CHM: variants seen among roughly 807,000 people sequenced by gnomAD.
CHM encodes CHM Rab escort protein, also known as rab proteins geranylgeranyltransferase component A 1.
In CHM, 10 loss-of-function variants were observed where a neutral mutation model predicts 49.0. That is an observed-to-expected ratio of 0.20 (90% CI 0.13 to 0.35). The LOEUF (loss-of-function observed/expected upper bound fraction) is 0.35. Ranked by LOEUF, CHM falls within the 10% of genes least tolerant of loss-of-function variation. CHM has a pLI of 1.00. For synonymous variants in CHM, 184 were observed against 167.5 expected (o/e 1.10, Z -0.76); for missense variants, 455 against 478.4 (o/e 0.95, Z 0.46).
chrX:86,013,658 C>G (rs1933170299), intron 2 of CHM, among the ~76,000 whole-genome samples: 1 of 106,795 alleles, frequency 9.4e-6, no homozygotes, highest in Non-Finnish European at 1.9e-5. Context: ...CTGCCTGAAC[C>G]CGGGAGGCAG....
chrX:85,976,176 C>G (rs1419004879), intron 4 of CHM, among the ~76,000 whole-genome samples: 1 of 111,905 alleles, frequency 8.9e-6, no homozygotes, highest in Admixed American at 9.5e-5. Flanking sequence ...CTGTGATCAT[C>G]AGCTGTTACA....
At chrX:85,896,139 C>CAAAAAAAAAAAA (rs148920305) in intron 11 of CHM, among the ~76,000 whole-genome samples, 1 of 46,334 alleles carries the variant, frequency 2.2e-5, no homozygotes, top group Non-Finnish European at 4.1e-5. Flanking sequence ...CTGCACAACT[C>CAAAAAAAAAAAA]AAAAAAAAAA....
chrX:85,989,011 T>A (rs1481313773), intron 2 of CHM, among the ~76,000 whole-genome samples: 1 of 111,929 alleles, frequency 8.9e-6, no homozygotes, highest in East Asian at 2.8e-4. Flanking sequence ...TTAAAATTTA[T>A]ATGTAACCAA....
At chrX:85,985,060 C>CA (rs1156370601) in intron 2 of CHM, among the ~76,000 whole-genome samples, 2 of 111,758 alleles carry the variant, frequency 1.8e-5, no homozygotes, top group East Asian at 5.7e-4. Flanking sequence ...CAACAATCTG[C>CA]AGGCCCCACT....
intron 2 of CHM, among the ~76,000 whole-genome samples, chrX:86,013,603 C>T (rs1178081455): frequency 2.7e-5 from 3 of 109,699 alleles, no homozygotes; most frequent in Admixed American, 9.8e-5. Flanking sequence ...GGCATGGTGG[C>T]ATGTGCCTGT....
intron 4 of CHM, among the ~76,000 whole-genome samples, chrX:85,976,564 G>C (rs1195359615): frequency 9.1e-6 from 1 of 109,317 alleles, no homozygotes; most frequent in African/African-American, 3.3e-5. Flanking sequence ...GGAGCTTGCA[G>C]TGAGCAGAGA....
At chrX:85,913,332 A>AAAAAAAAAAAGAAAGAAAG (rs762266365) in intron 8 of CHM, among the ~76,000 whole-genome samples, 1 of 23,419 alleles carries the variant, frequency 4.3e-5, no homozygotes, top group Non-Finnish European at 8.1e-5. Flanking sequence ...AAAAAAAAAA[A>AAAAAAAAAAAGAAAGAAAG]AAAGAAAGAA....
chrX:85,960,913 T>A (rs1427050759), intron 5 of CHM, among the ~76,000 whole-genome samples: 4 of 111,909 alleles, frequency 3.6e-5, no homozygotes, highest in Non-Finnish European at 7.5e-5. Flanking sequence ...GAATTTCATC[T>A]TTGACCTTCT....
chrX:86,025,474 A>C lies in CHM; in HGVS notation c.116+2017T>G, dbSNP rs755554660. On this transcript the variant is annotated intron_variant, in intron 2 of 14. Transcript: ENST00000357749. ...GAGGATCGTTTGAGGCCAAGAGTTC[A>C]AGACCAGCCTGGGTAGCATAGCGAG... Among the ~76,000 whole-genome samples the C allele has an allele frequency of 1.7e-3, 182 of 110,175 alleles. 2 individuals are homozygous for C. The highest frequency in any genetic ancestry group is 5.8e-3 in the African/African-American group (175 of 30,239).
In CHM at chrX:85,864,524, A is replaced by G; in HGVS notation, c.*106T>C. On this transcript the variant is annotated 3_prime_UTR_variant, in exon 15 of 15. Transcript: ENST00000357749. Reference sequence around the variant, plus strand: ...GGATTTCTATTACCTATTTTGCCTTATAATTGCTGCTGCTTTCTAACATTT... The same window carrying G: ...GGATTTCTATTACCTATTTTGCCTTGTAATTGCTGCTGCTTTCTAACATTT... The G allele has an allele frequency of 1.4e-6, 1 of 717,465 alleles. No homozygotes were observed. The highest frequency in any genetic ancestry group is 2.6e-5 in the Admixed American group (1 of 38,070). The allele number at this position is 717,465 out of a possible 1,213,427, so 59.1% of individuals were successfully genotyped here. A position where few individuals can be genotyped will look rare whatever the true frequency, so the allele number is the denominator to read the frequency against.
chrX:85,901,311 C>T, intron 9 of CHM, 123 bp from the exon 10 acceptor site: 1 of 449,877 alleles, frequency 2.2e-6, no homozygotes, highest in South Asian at 4.6e-5. Flanking sequence ...TTAAAACTTG[C>T]CTACAATTCC....
At chrX:85,885,626 T>A (rs908825685) in intron 12 of CHM, among the ~76,000 whole-genome samples, 1 of 111,469 alleles carries the variant, frequency 9.0e-6, no homozygotes, top group African/African-American at 3.2e-5. Flanking sequence ...CAAAGTCTCA[T>A]TGGTCTATAT....
intron 2 of CHM, among the ~76,000 whole-genome samples, chrX:86,021,522 G>C (rs1051267080): frequency 1.8e-5 from 2 of 110,211 alleles, no homozygotes; most frequent in Non-Finnish European, 3.8e-5. Flanking sequence ...AGGCACTCTG[G>C]CTTAAAAGCT....
At chrX:85,972,820 G>T (rs1452174908) in intron 4 of CHM, among the ~76,000 whole-genome samples, 2 of 112,361 alleles carry the variant, frequency 1.8e-5, no homozygotes, top group Non-Finnish European at 3.8e-5. Flanking sequence ...GCAGCGGCGG[G>T]CCGAAGGGCT....
intron 8 of CHM, among the ~76,000 whole-genome samples, chrX:85,955,730 C>A (rs1226825946): frequency 1.8e-5 from 2 of 111,631 alleles, no homozygotes; most frequent in African/African-American, 6.5e-5. Flanking sequence ...GATATGTTTC[C>A]GAGAGAAATT....
intron 8 of CHM, among the ~76,000 whole-genome samples, chrX:85,927,782 A>G (rs1209426898): frequency 2.7e-5 from 3 of 112,163 alleles, no homozygotes; most frequent in African/African-American, 9.7e-5. Context: ...AGATAAACTA[A>G]GAGTTGTCAA....
At chrX:85,865,587 A>T (rs1481601410) in intron 14 of CHM, among the ~76,000 whole-genome samples, 2 of 111,891 alleles carry the variant, frequency 1.8e-5, no homozygotes, top group African/African-American at 6.5e-5. Context: ...GGTAACAGGC[A>T]GAGGTTAGAA....
chrX:85,971,896 G>T (rs1328017986), intron 4 of CHM, among the ~76,000 whole-genome samples: 5 of 110,959 alleles, frequency 4.5e-5, no homozygotes, highest in Non-Finnish European at 7.5e-5. Context: ...ACAGAGTGTC[G>T]ATTGGTGCAT....
chrX:85,961,477 T>C (rs1930294502), intron 5 of CHM, among the ~76,000 whole-genome samples: 1 of 106,614 alleles, frequency 9.4e-6, no homozygotes, highest in South Asian at 4.3e-4. Context: ...GATAGATATT[T>C]GGCAATCATC....
Sources: gnomAD v4.1 joint callset for allele counts (sites outside exome capture counted in the v4.1 genomes callset) on GRCh38, gnomAD v4.1.1 for gene constraint, MANE v1.5 for transcripts, NCBI Gene and HGNC (gene_info 2026-07-23, HGNC 2026-07-21) for gene names.